Variants in PAX3 observed in about 807,000 individuals in gnomAD.
PAX3 encodes the protein paired box 3.
PAX3 carries 14 observed loss-of-function variants against 51.6 expected under a neutral mutation model. The ratio of observed to expected loss-of-function variants is 0.27; its 90% CI spans 0.18 to 0.42. The LOEUF (loss-of-function observed/expected upper bound fraction) is 0.42. Ranked by LOEUF, PAX3 falls within the 10% of genes least tolerant of loss-of-function variation. The pLI is 1.00. For missense variants in PAX3, 540 were observed against 642.8 expected, an observed-to-expected ratio of 0.84 and a Z score of 1.73; for synonymous variants, 280 against 253.4, an observed-to-expected ratio of 1.11 and a Z score of -1.00.
At chr2:222,253,300 A>C (rs1693509507) in intron 4 of PAX3, among the ~76,000 whole-genome samples, 1 of 152,224 alleles carries the variant, frequency 6.6e-6, no homozygotes, top group African/African-American at 2.4e-5. Flanking sequence ...TGGAAAACAC[A>C]GAGTGCTTGT....
At chr2:222,272,194 G>GA (rs935423045) in intron 4 of PAX3, among the ~76,000 whole-genome samples, 1 of 151,814 alleles carries the variant, frequency 6.6e-6, no homozygotes, top group East Asian at 1.9e-4. Context: ...ATCTTCAATG[G>GA]AAAAAAGAAA....
chr2:222,253,825 AT>A (rs557106462), intron 4 of PAX3, among the ~76,000 whole-genome samples: 304 of 148,996 alleles, frequency 2.0e-3, no homozygotes, highest in Admixed American at 6.3e-3. Flanking sequence ...CATCCCACTA[AT>A]TTTTTTTTTA....
intron 7 of PAX3, among the ~76,000 whole-genome samples, chr2:222,217,243 TGAG>T (rs1291348866): frequency 1.3e-5 from 2 of 152,178 alleles, no homozygotes; most frequent in African/African-American, 4.8e-5. Flanking sequence ...GCTTTTAATA[TGAG>T]GAGAAGATAG....
At chr2:222,298,466 G>T (rs1559322001) in intron 1 of PAX3, 65 bp downstream of exon 1, 2 of 1,357,622 alleles carry the variant, frequency 1.5e-6, no homozygotes, top group South Asian at 2.5e-5. Context: ...CGGAGCCTGG[G>T]GATGGGGTGA....
At chr2:222,231,687 A>C (rs1692601598) in intron 5 of PAX3, among the ~76,000 whole-genome samples, 1 of 152,190 alleles carries the variant, frequency 6.6e-6, no homozygotes, top group Non-Finnish European at 1.5e-5. Context: ...GTAAATGGAG[A>C]GTAGCAATCA....
intron 4 of PAX3, chr2:222,287,275 G>A (rs1261744415): frequency 6.6e-6 from 1 of 152,148 alleles, no homozygotes; most frequent in South Asian, 2.1e-4. Flanking sequence ...AAAGAAAATA[G>A]GTATTGAAGG....
intron 4 of PAX3, among the ~76,000 whole-genome samples, chr2:222,269,179 C>G (rs1352215897): frequency 6.6e-6 from 1 of 152,204 alleles, no homozygotes; most frequent in Non-Finnish European, 1.5e-5. Context: ...ATACTCCGAA[C>G]AAATACGGAC....
At chr2:222,250,197 C>T (rs1321240806) in intron 4 of PAX3, among the ~76,000 whole-genome samples, 1 of 152,098 alleles carries the variant, frequency 6.6e-6, no homozygotes, top group Non-Finnish European at 1.5e-5. Flanking sequence ...AGCCTCAGAA[C>T]ACAGCTGAAA....
intron 4 of PAX3, among the ~76,000 whole-genome samples, chr2:222,260,935 C>T (rs1693840493): frequency 6.6e-6 from 1 of 152,160 alleles, no homozygotes. Context: ...ACTGAATAAT[C>T]ACCTAGAGTC....
At chr2:222,242,862 C>T (rs1454938763) in intron 4 of PAX3, among the ~76,000 whole-genome samples, 1 of 152,218 alleles carries the variant, frequency 6.6e-6, no homozygotes, top group Non-Finnish European at 1.5e-5. Context: ...CAATAAGTCT[C>T]ATGACATAAT....
chr2:222,276,846 G>T (rs921549192), intron 4 of PAX3, among the ~76,000 whole-genome samples: 1 of 152,190 alleles, frequency 6.6e-6, no homozygotes, highest in Admixed American at 6.5e-5. Context: ...CCCCTAAGGG[G>T]CTCCCTACAA....
Position 222,202,146 on chromosome 2 carries a change from G to C in PAX3, c.1218C>G (p.Pro406=). The C allele has an allele frequency of 6.2e-7, 1 of 1,610,184 alleles. No homozygotes were observed. The highest frequency in any genetic ancestry group is 1.1e-5 in the South Asian group (1 of 90,604). Residue 406 remains proline (P), a synonymous_variant, in exon 8 of 9, where the codon CCC becomes CCG. Transcript: ENST00000392070. ...LTNHGGVPHQ[P]QTDYALSPLT... ...GAGGGGAGAGCGCGTAATCAGTCTG[G>C]GGCTGATGAGGTACCCCACCGTGGT... is the stretch of plus-strand genomic sequence containing the variant.
chr2:222,232,160 G>T lies in PAX3; in HGVS notation c.710C>A (p.Ala237Asp). The change falls in exon 5 of 9, where the codon GCT (alanine) becomes GAT (aspartate). Residue 237 changes from alanine to aspartate, a missense_variant. By Grantham distance (126) the Ala-to-Asp change is moderately radical (BLOSUM62 -2). Around this residue, in one of 3 missense-constraint regions of PAX3, gnomAD observed 427 missense variants for 483.6 expected, o/e 0.88. Coordinates refer to ENST00000392070, the MANE Select transcript of PAX3 (RefSeq NM_181458.4). ...TAEQLEELER[A>D]FERTHYPDIY... ...GTCAGGGTAATGAGTTCTCTCAAAA[G>T]CACGCTCCAGTTCCTCCAGCTGTTC... The T allele has an allele frequency of 6.2e-7, 1 of 1,614,018 alleles. No homozygotes were observed. Among genetic ancestry groups the T allele is most frequent in the Non-Finnish European group, 8.5e-7 (1 of 1,179,958 alleles).
At chr2:222,219,362 C>G (rs1692093477) in intron 7 of PAX3, among the ~76,000 whole-genome samples, 1 of 152,106 alleles carries the variant, frequency 6.6e-6, no homozygotes, top group African/African-American at 2.4e-5. Context: ...TCCTTGCCAC[C>G]TGGGCCAAGC....
intron 4 of PAX3, among the ~76,000 whole-genome samples, chr2:222,253,891 G>A (rs1204045447): frequency 1.3e-5 from 2 of 152,112 alleles, no homozygotes; most frequent in Non-Finnish European, 2.9e-5. Context: ...CTGGGCACAA[G>A]CAATCCTCCT....
At chr2:222,202,312 T>C in intron 7 of PAX3, 122 bp from the exon 8 acceptor site, 1 of 797,964 alleles carries the variant, frequency 1.3e-6, no homozygotes, top group Non-Finnish European at 2.1e-6. Context: ...TAAAGAGCTG[T>C]CCAGGAGACT....
intron 5 of PAX3, among the ~76,000 whole-genome samples, chr2:222,227,097 GA>G (rs907767609): frequency 5.9e-5 from 9 of 151,914 alleles, no homozygotes; most frequent in Non-Finnish European, 4.4e-5. Context: ...AGTCCAAAAG[GA>G]TTCCAGCAAG....
intron 4 of PAX3, among the ~76,000 whole-genome samples, chr2:222,293,097 G>A (rs1252460619): frequency 6.6e-6 from 1 of 152,200 alleles, no homozygotes; most frequent in East Asian, 1.9e-4. Context: ...GGCAACGGCT[G>A]TGAGCCCACC....
intron 7 of PAX3, among the ~76,000 whole-genome samples, chr2:222,206,742 G>A (rs1691526508): frequency 6.6e-6 from 1 of 152,016 alleles, no homozygotes; most frequent in Admixed American, 6.6e-5. Flanking sequence ...TAAAAACTAT[G>A]GGCCAAATTA....
Sources: allele counts gnomAD v4.1 joint callset (sites outside exome capture counted in the v4.1 genomes callset), GRCh38; gene constraint gnomAD v4.1.1; regional missense constraint gnomAD v4.1.1; transcripts MANE v1.5; gene names NCBI Gene and HGNC (gene_info 2026-07-23, HGNC 2026-07-21).